The following DSCAML1 variants were observed in gnomAD, a reference collection of about 807,000 sequenced individuals.
The protein encoded by DSCAML1 is cell adhesion molecule DSCAML1.
A neutral mutation model predicts 200.5 loss-of-function variants in DSCAML1; 38 were observed. The observed-to-expected ratio is 0.19, with a 90% CI of 0.15 to 0.25. The LOEUF (loss-of-function observed/expected upper bound fraction) is 0.25. Among genes scored for constraint, DSCAML1 ranks in the 10% least tolerant of loss-of-function variants. The pLI, the probability that DSCAML1 is intolerant of heterozygous loss-of-function variation, is 1.00. For synonymous variants in DSCAML1, 1,215 were observed against 1,165.0 expected (o/e 1.04, Z -0.87); for missense variants, 2,223 against 2,858.8 (o/e 0.78, Z 5.07).
intron 28 of DSCAML1, 56 bp downstream of exon 28, chr11:117,433,385 C>G: frequency 6.2e-7 from 1 of 1,602,956 alleles, no homozygotes; most frequent in South Asian, 1.1e-5. Flanking sequence ...CTCCTGGGTC[C>G]TCCTCAGGAC....
intron 3 of DSCAML1, among the ~76,000 whole-genome samples, chr11:117,722,815 A>C (rs1181906218): frequency 1.3e-5 from 2 of 152,184 alleles, no homozygotes; most frequent in Non-Finnish European, 2.9e-5. Flanking sequence ...TGTTGCTGAC[A>C]AATCTCATCC....
intron 3 of DSCAML1, among the ~76,000 whole-genome samples, chr11:117,607,843 G>T (rs2051602041): frequency 6.6e-6 from 1 of 152,230 alleles, no homozygotes; most frequent in Non-Finnish European, 1.5e-5. Flanking sequence ...CTTTTGGTTA[G>T]GGAGAATCAA....
intron 1 of DSCAML1, among the ~76,000 whole-genome samples, chr11:117,787,926 C>T (rs1436463618): frequency 3.3e-5 from 5 of 152,136 alleles, no homozygotes; most frequent in Non-Finnish European, 1.5e-5. Context: ...TGATTGTTCT[C>T]ATCCCAGAGT....
intron 3 of DSCAML1, among the ~76,000 whole-genome samples, chr11:117,636,805 C>T (rs562478377): frequency 1.3e-5 from 2 of 152,142 alleles, no homozygotes; most frequent in African/African-American, 2.4e-5. Flanking sequence ...TTTGTAGGGT[C>T]GTTGTAAGGT....
chr11:117,488,287 G>A (rs1357845300), intron 11 of DSCAML1, among the ~76,000 whole-genome samples: 1 of 152,170 alleles, frequency 6.6e-6, no homozygotes, highest in Non-Finnish European at 1.5e-5. Flanking sequence ...CCCCTTAATA[G>A]GGGGAAGTTC....
At position 117,463,155 on chromosome 11, in the gene DSCAML1, G is replaced by C. The variant is rs191283006; in HGVS notation, c.3266-1559C>G. Among the ~76,000 whole-genome samples the C allele has an allele frequency of 3.6e-4, 55 of 152,318 alleles. No homozygotes were observed. Among genetic ancestry groups the C allele is most frequent in the East Asian group, 1.5e-3 (8 of 5,186 alleles). On this transcript the variant is annotated intron_variant, in intron 17 of 32. Transcript: ENST00000651296. This position sits in a 1 kb window ranked among gnomAD's most constrained non-coding sequence, Gnocchi z 4.0. ...ATCCAGCCTTGCTCCCAAGCAAAAG[G>C]GAGGCACAAGGTGAAGCAGGAAGGC...
At chr11:117,769,157 ATATAT>A (rs2134031227) in intron 3 of DSCAML1, among the ~76,000 whole-genome samples, 1 of 38,284 alleles carries the variant, frequency 2.6e-5, no homozygotes, top group Non-Finnish European at 5.3e-5. Context: ...TATATTTTAT[ATATAT>A]TATATATTTT....
At chr11:117,796,916 C>G (rs1010287550) in intron 1 of DSCAML1, 118 bp downstream of exon 1, 20 of 697,308 alleles carry the variant, frequency 2.9e-5, no homozygotes, top group Middle Eastern at 4.3e-4. Context: ...CACCCGGGGC[C>G]TTGCACCCCG....
At chr11:117,467,183 G>A (rs764954410) in intron 16 of DSCAML1, among the ~76,000 whole-genome samples, 3 of 141,290 alleles carry the variant, frequency 2.1e-5, no homozygotes, top group African/African-American at 5.8e-5. Context: ...ACGCATGCGC[G>A]TGCACACACA....
intron 3 of DSCAML1, among the ~76,000 whole-genome samples, chr11:117,609,747 ATTTTT>A (rs2051649029): frequency 6.6e-6 from 1 of 151,830 alleles, no homozygotes. Context: ...AAGGATTTTT[ATTTTT>A]ATCTATTGCC....
chr11:117,432,209 C>A, intron 30 of DSCAML1, 143 bp downstream of exon 30: 9 of 961,674 alleles, frequency 9.4e-6, no homozygotes, highest in Non-Finnish European at 1.2e-5. Flanking sequence ...GGTCTCCAGA[C>A]GCTCATTCCA....
intron 11 of DSCAML1, among the ~76,000 whole-genome samples, chr11:117,490,893 G>A (rs2137246120): frequency 6.6e-6 from 1 of 152,308 alleles, no homozygotes; most frequent in East Asian, 1.9e-4. Flanking sequence ...GGGCTAGCAG[G>A]GCCAGGAGGC....
chr11:117,431,464 T>C (rs1432570292), intron 31 of DSCAML1, 70 bp downstream of exon 31: 26 of 1,391,794 alleles, frequency 1.9e-5, no homozygotes, highest in Admixed American at 7.3e-5. Context: ...CTGGGAAGAA[T>C]AGAAGGTGAA....
chr11:117,520,335 G>GAAAC (rs1328606237), intron 6 of DSCAML1, among the ~76,000 whole-genome samples: 1 of 152,124 alleles, frequency 6.6e-6, no homozygotes, highest in Non-Finnish European at 1.5e-5. Context: ...AGGAGATAGA[G>GAAAC]AAACAAACAA....
intron 1 of DSCAML1, among the ~76,000 whole-genome samples, chr11:117,802,613 G>A (rs58360226): frequency 0.011 from 1,718 of 152,230 alleles, 24 homozygotes; most frequent in African/African-American, 0.038. Context: ...GGAGTTTCTC[G>A]TCTCTAAGAG....
intron 3 of DSCAML1, among the ~76,000 whole-genome samples, chr11:117,649,930 G>A (rs370426561): frequency 8.5e-5 from 13 of 152,310 alleles, no homozygotes; most frequent in East Asian, 3.9e-4. Context: ...GCCTCTTGAT[G>A]TGCTGCCTTG....
Position 117,521,251 on chromosome 11 carries a change from G to A in DSCAML1, c.1092C>T (p.Arg364=), listed in dbSNP as rs2276340. 288,694 of 1,614,036 alleles carry A rather than the reference G, an allele frequency of 0.18. 27,933 individuals are homozygous for A. Among genetic ancestry groups the A allele is most frequent in the South Asian group, 0.31 (28,460 of 91,076 alleles). The part of the protein sequence containing the change: ...LVLPDEAISI[R]GLSNETLLIT... ...TGAGCAGCGTCTCGTTGCTGAGCCC[G>A]CGGATGGAGATGGCCTCGTCAGGCA... The change falls in exon 6 of 33, where the codon CGC becomes CGT. Residue 364 remains arginine, a synonymous_variant. Transcript: ENST00000651296.
chr11:117,808,234 AT>A (rs1207231661), intron 1 of DSCAML1, among the ~76,000 whole-genome samples: 1 of 152,240 alleles, frequency 6.6e-6, no homozygotes, highest in Non-Finnish European at 1.5e-5. Context: ...GCTAAAAATT[AT>A]GCAGGCACTA....
rs574265067 is a variant in DSCAML1, at chr11:117,705,040, G to C, written c.511+71751C>G. On this transcript the variant is annotated intron_variant, in intron 3 of 32. Coordinates refer to ENST00000651296, the MANE Select transcript of DSCAML1 (RefSeq NM_020693.4). ...AAAGACTCTGCGTACCCACGCCGAG[G>C]GGGGGACGTCTGCGGGCTGGAGAGG... is the stretch of plus-strand genomic sequence containing the variant. Among the ~76,000 whole-genome samples, 227 of 152,320 alleles carry C rather than the reference G, an allele frequency of 1.5e-3. 1 individual carries two copies. Among genetic ancestry groups the C allele is most frequent in the African/African-American group, 5.2e-3 (217 of 41,564 alleles).
Sources: allele counts gnomAD v4.1 joint callset (sites outside exome capture counted in the v4.1 genomes callset), GRCh38; gene constraint gnomAD v4.1.1; non-coding constraint Gnocchi (gnomAD v3.1); transcripts MANE v1.5; gene names NCBI Gene and HGNC (gene_info 2026-07-23, HGNC 2026-07-21).